Variants in THUMPD3 observed in about 807,000 individuals in gnomAD.
The protein encoded by THUMPD3 is tRNA (guanine(6)-N(2))-methyltransferase THUMP3.
THUMPD3 carries 44 observed loss-of-function variants against 54.5 expected under a neutral mutation model. That is an observed-to-expected ratio of 0.81 (90% CI 0.63 to 1.04). THUMPD3 has a LOEUF of 1.04. Among genes scored for constraint, THUMPD3 ranks in the 50% least tolerant of loss-of-function variants. THUMPD3 has a pLI of 0.00. For missense variants in THUMPD3, 604 were observed against 601.3 expected (o/e 1.00, Z -0.05); for synonymous variants, 196 against 201.4 (o/e 0.97, Z 0.23).
Position 9,365,036 on chromosome 3 carries a change from GAC to G in THUMPD3, c.-31_-30del, listed in dbSNP as rs533479705. ...TAAAGGACAGTACTGCTTTTAAAGA[GAC>G]AGTGTTAGGGATCTTGGAAGCACAG... On this transcript the variant is annotated 5_prime_UTR_variant, in exon 2 of 10. Coordinates refer to ENST00000452837, the MANE Select transcript of THUMPD3 (RefSeq NM_001114092.2). The G allele has an allele frequency of 2.1e-4, 337 of 1,598,928 alleles. 4 individuals carry two copies. The East Asian group carries it at 7.4e-3, about 35-fold the overall frequency.
At chr3:9,365,424 T>C in intron 2 of THUMPD3, 104 bp downstream of exon 2, 1 of 1,388,818 alleles carries the variant, frequency 7.2e-7, no homozygotes. Flanking sequence ...TTCATTGCTC[T>C]GCCCCAAATC....
Position 9,374,596 on chromosome 3 carries a change from ACAT to A in THUMPD3, c.889_891del (p.His297del), listed in dbSNP as rs763973493. On this transcript the variant is annotated inframe_deletion, in exon 5 of 10. Coordinates refer to ENST00000452837, the MANE Select transcript of THUMPD3 (RefSeq NM_001114092.2). ...AGAGTCTCCACCGAAGAAATATAAC[ACAT>A]TTTGGACCTACAACTCTTAGATCAA... 1 of 1,614,120 alleles carries A rather than the reference ACAT, an allele frequency of 6.2e-7. No individual in the cohort carries two copies. The highest frequency in any genetic ancestry group is 1.7e-5 in the Admixed American group (1 of 60,022).
In THUMPD3 at chr3:9,369,372, A is replaced by G. The variant is rs537005382; in HGVS notation, c.331-1688A>G. Among the ~76,000 whole-genome samples, 71 of 152,000 alleles carry G rather than the reference A, an allele frequency of 4.7e-4. 1 individual carries two copies. Among genetic ancestry groups the G allele is most frequent in the Non-Finnish European group, 8.8e-4 (60 of 67,980 alleles). On this transcript the variant is annotated intron_variant, in intron 3 of 9. Coordinates refer to ENST00000452837, the MANE Select transcript of THUMPD3 (RefSeq NM_001114092.2). ...TGAGGGTGGAACCTATGTATAAATAAATCCAAGATTCATTTGTTTCATATA... is the reference window on the plus strand; with the variant it reads ...TGAGGGTGGAACCTATGTATAAATAGATCCAAGATTCATTTGTTTCATATA...
chr3:9,378,185 C>T (rs941400193), intron 6 of THUMPD3, among the ~76,000 whole-genome samples: 2 of 152,164 alleles, frequency 1.3e-5, no homozygotes, highest in African/African-American at 2.4e-5. Context: ...AGCTGGTAGA[C>T]TTGAATGGGA....
At chr3:9,379,888 A>G (rs1375615217) in intron 6 of THUMPD3, among the ~76,000 whole-genome samples, 1 of 152,012 alleles carries the variant, frequency 6.6e-6, no homozygotes, top group Non-Finnish European at 1.5e-5. Flanking sequence ...ATGGGCTTTC[A>G]CCATGTTCCC....
chr3:9,368,493 G>A (rs1164810954), intron 3 of THUMPD3, among the ~76,000 whole-genome samples: 1 of 151,484 alleles, frequency 6.6e-6, no homozygotes, highest in Non-Finnish European at 1.5e-5. Context: ...CTCCCGAGTA[G>A]CTGGGACTAT....
chr3:9,368,649 C>T (rs1242168139), intron 3 of THUMPD3, among the ~76,000 whole-genome samples: 4 of 152,184 alleles, frequency 2.6e-5, no homozygotes, highest in Admixed American at 6.5e-5. Context: ...GCGTAAGCCA[C>T]CGCGCCTGGC....
Position 9,366,964 on chromosome 3 carries a change from T to A in THUMPD3, c.309T>A (p.Asp103Glu). 1 of 1,613,648 alleles carries A rather than the reference T, an allele frequency of 6.2e-7. No individual in the cohort carries two copies. The highest frequency in any genetic ancestry group is 8.5e-7 in the Non-Finnish European group (1 of 1,179,838). Residue 103 changes from aspartate (D) to glutamate (E), a missense_variant, in exon 3 of 10, where the codon GAT becomes GAA. Transcript: ENST00000452837. Reference sequence around the variant, plus strand: ...TTGTGGTGGTTCAGGAGTTTCAAGATTACCAGTTCAAACAAACAAAGGTGA... The same window carrying A: ...TTGTGGTGGTTCAGGAGTTTCAAGAATACCAGTTCAAACAAACAAAGGTGA... ...NLFVVVQEFQ[D>E]YQFKQTKEEV...
chr3:9,363,510 C>T (rs2031086332), intron 1 of THUMPD3: 1 of 152,136 alleles, frequency 6.6e-6, no homozygotes, highest in Admixed American at 6.5e-5. Context: ...GCTGGCACAG[C>T]ACAAGGACAT....
At chr3:9,370,653 C>CTA (rs2031957039) in intron 3 of THUMPD3, among the ~76,000 whole-genome samples, 1 of 152,136 alleles carries the variant, frequency 6.6e-6, no homozygotes, top group African/African-American at 2.4e-5. Context: ...GCCATGTTGC[C>CTA]CAGTCTGGTC....
rs2031428465 is a variant in THUMPD3, at chr3:9,365,177, C to T, written c.109C>T (p.Leu37=). 1 of 1,614,122 alleles carries T rather than the reference C, an allele frequency of 6.2e-7. No individual in the cohort carries two copies. Among genetic ancestry groups the T allele is most frequent in the African/African-American group, 1.3e-5 (1 of 75,010 alleles). Residue 37 remains leucine, a synonymous_variant, in exon 2 of 10, where the codon CTA becomes TTA. Transcript: ENST00000452837. ...TGACCTCGGAAGTGAATCTGAGCTT[C>T]TAGTCACTATTGGAGCCACTGTACC... ...ESDLGSESEL[L]VTIGATVPTG...
chr3:9,364,416 A>G (rs1359567116), intron 1 of THUMPD3, among the ~76,000 whole-genome samples: 4 of 151,872 alleles, frequency 2.6e-5, no homozygotes, highest in African/African-American at 9.7e-5. Flanking sequence ...GCATGATCTC[A>G]GCTCACTGCA....
At chr3:9,383,624 ATTCT>A (rs759977576) in intron 8 of THUMPD3, among the ~76,000 whole-genome samples, 4 of 150,624 alleles carry the variant, frequency 2.7e-5, no homozygotes, top group African/African-American at 7.3e-5. Flanking sequence ...AGCATAAATG[ATTCT>A]TTTTTTTTTT....
At chr3:9,367,839 G>C (rs2031685014) in intron 3 of THUMPD3, among the ~76,000 whole-genome samples, 1 of 152,168 alleles carries the variant, frequency 6.6e-6, no homozygotes, top group African/African-American at 2.4e-5. Context: ...GCCGAGGCGG[G>C]TGGATCATGA....
intron 3 of THUMPD3, among the ~76,000 whole-genome samples, chr3:9,368,957 G>C (rs1012492481): frequency 3.3e-5 from 5 of 151,984 alleles, no homozygotes; most frequent in African/African-American, 1.2e-4. Context: ...TACAAGTTGA[G>C]TATCCCTTAT....
At position 9,363,102 on chromosome 3, in the gene THUMPD3, G is replaced by C. The variant is rs900690853; in HGVS notation, c.-79G>C. ...CGCAAGAGGCCAATGGAGTGTGGGAGCTGAAAGGGTCTTCGCTGGCGGCCG... is the reference window on the plus strand; with the variant it reads ...CGCAAGAGGCCAATGGAGTGTGGGACCTGAAAGGGTCTTCGCTGGCGGCCG... On this transcript the variant is annotated 5_prime_UTR_variant, in exon 1 of 10. Transcript: ENST00000452837. The C allele has an allele frequency of 1.3e-5, 2 of 152,504 alleles. No individual in the cohort carries two copies. Among genetic ancestry groups the C allele is most frequent in the Admixed American group, 1.3e-4 (2 of 15,294 alleles). The allele number at this position is 152,504 out of a possible 1,614,324, so 9.4% of individuals were successfully genotyped here. A position where few individuals can be genotyped will look rare whatever the true frequency, so the allele number is the denominator to read the frequency against.
chr3:9,363,392 C>CT (rs2031066187), intron 1 of THUMPD3: 1 of 152,230 alleles, frequency 6.6e-6, no homozygotes, highest in African/African-American at 2.4e-5. Context: ...GGAACGCGTC[C>CT]TTTAGCTGAC....
rs1316164139 is a variant in THUMPD3 at position 9,364,957 on chromosome 3, T to C, written c.-53-59T>C. ...TCCTGCCCTCCAGAGCCCATGTTTT[T>C]AATTATAACTGAAATATGAGATGAT... On this transcript the variant is annotated intron_variant, in intron 1 of 9. Coordinates refer to ENST00000452837, the MANE Select transcript of THUMPD3 (RefSeq NM_001114092.2). 4.2e-6 allele frequency: 6 copies of C among 1,425,010 alleles called. No homozygotes were observed. The African/African-American group carries it at 8.6e-5, about 20-fold the overall frequency. The allele number at this position is 1,425,010 out of a possible 1,614,324, so 88.3% of individuals were successfully genotyped here.
In THUMPD3 at chr3:9,386,078, AAG is replaced by A. The variant is rs1391213645; in HGVS notation, c.*1391_*1392del. 2 of 152,214 alleles carry A rather than the reference AAG, an allele frequency of 1.3e-5. No individual in the cohort carries two copies. Among genetic ancestry groups the A allele is most frequent in the East Asian group, 3.8e-4 (2 of 5,198 alleles). 9.4% of individuals were successfully genotyped at this position (152,214 alleles called of 1,614,324 possible). The stretch of plus-strand genomic sequence containing the variant: ...TTTCTGATGTCTCCATTGAGAATAA[AAG>A]GACACAATACTTTTGAAAGAAGAGT... On this transcript the variant is annotated 3_prime_UTR_variant, in exon 10 of 10. Transcript: ENST00000452837.
Sources: allele counts gnomAD v4.1 joint callset (sites outside exome capture counted in the v4.1 genomes callset), GRCh38; gene constraint gnomAD v4.1.1; transcripts MANE v1.5; gene names NCBI Gene and HGNC (gene_info 2026-07-23, HGNC 2026-07-21).